Variants in FBXL2 observed in about 807,000 individuals in gnomAD.
FBXL2 encodes F-box/LRR-repeat protein 2.
A neutral mutation model predicts 69.2 loss-of-function variants in FBXL2; 38 were observed. That is an observed-to-expected ratio of 0.55 (90% confidence interval 0.42 to 0.72). The LOEUF (loss-of-function observed/expected upper bound fraction) is 0.72. Ranked by LOEUF, FBXL2 falls within the 30% of genes least tolerant of loss-of-function variation. The pLI is 0.00. For synonymous variants in FBXL2, 192 were observed against 201.3 expected (o/e 0.95, Z 0.39); for missense variants, 354 against 520.3 (o/e 0.68, Z 3.11).
chr3:33,314,027 A>T (rs1455079973), intron 2 of FBXL2, among the ~76,000 whole-genome samples: 4 of 152,146 alleles, frequency 2.6e-5, no homozygotes, highest in African/African-American at 9.7e-5. Flanking sequence ...AACTCTGATG[A>T]TGATCTAATC....
intron 2 of FBXL2, among the ~76,000 whole-genome samples, chr3:33,332,192 G>A (rs924421045): frequency 8.6e-5 from 13 of 152,014 alleles, no homozygotes; most frequent in African/African-American, 2.7e-4. Context: ...CAAAAGGGTC[G>A]GCAATTAAAC....
chr3:33,402,839 G>C (rs1431098673), intron 12 of FBXL2: 3 of 1,608,110 alleles, frequency 1.9e-6, no homozygotes, highest in African/African-American at 1.3e-5. Flanking sequence ...GTGGGGAGGT[G>C]AAAGTGGGCG....
In FBXL2 at chr3:33,351,283, A is replaced by T. The variant is rs907856470; in HGVS notation, c.66-7684A>T. Among the ~76,000 whole-genome samples the T allele has an allele frequency of 2.0e-5, 3 of 152,192 alleles. No homozygotes were observed. In the South Asian group the frequency reaches 6.2e-4, roughly 32 times the overall value. On this transcript the variant is annotated intron_variant, in intron 2 of 14. Coordinates refer to ENST00000484457, the MANE Select transcript of FBXL2 (RefSeq NM_012157.5). The stretch of plus-strand genomic sequence containing the variant: ...CTGTCTCAAAAAAATAAAATAAATA[A>T]ACCTCCTCCTGTAACTAATTAGCAA...
Position 33,375,433 on chromosome 3 carries a change from CT to C in FBXL2, c.788+20del. On this transcript the variant is annotated intron_variant, in intron 10 of 14. Transcript: ENST00000484457. ...CCGCGACTGCAGTGAGTACACTGCA[CT>C]TTTTGCTTTGCAGCTCAGAGTTTGG... 1 of 1,607,178 alleles carries C rather than the reference CT, an allele frequency of 6.2e-7. No individual in the cohort carries two copies. Among genetic ancestry groups the C allele is most frequent in the Non-Finnish European group, 8.5e-7 (1 of 1,174,344 alleles).
chr3:33,339,164 A>C (rs2039821083), intron 2 of FBXL2, among the ~76,000 whole-genome samples: 1 of 152,256 alleles, frequency 6.6e-6, no homozygotes. Context: ...TGTGGCCAAC[A>C]AGAATATGAA....
intron 2 of FBXL2, among the ~76,000 whole-genome samples, chr3:33,299,405 C>T (rs2036064368): frequency 6.6e-6 from 1 of 152,142 alleles, no homozygotes; most frequent in South Asian, 2.1e-4. Context: ...AGAGATTGAC[C>T]AGATGACTCC....
At chr3:33,356,294 C>T (rs144731260) in intron 2 of FBXL2, among the ~76,000 whole-genome samples, 1 of 152,302 alleles carries the variant, frequency 6.6e-6, no homozygotes, top group East Asian at 1.9e-4. Context: ...TTTGAGATTG[C>T]AGCTCAGGTA....
chr3:33,364,783 C>G, intron 5 of FBXL2, 64 bp downstream of exon 5: 1 of 1,342,262 alleles, frequency 7.5e-7, no homozygotes, highest in Non-Finnish European at 1.1e-6. Context: ...CAAAAATAAA[C>G]CAAGCCTATT....
At chr3:33,331,175 G>GA (rs1047124681) in intron 2 of FBXL2, among the ~76,000 whole-genome samples, 2 of 151,446 alleles carry the variant, frequency 1.3e-5, no homozygotes, top group Non-Finnish European at 2.9e-5. Flanking sequence ...TGTCATAAAA[G>GA]AAAAAAACAC....
At chr3:33,345,090 T>C (rs2040337280) in intron 2 of FBXL2, among the ~76,000 whole-genome samples, 1 of 152,244 alleles carries the variant, frequency 6.6e-6, no homozygotes, top group Admixed American at 6.5e-5. Flanking sequence ...TCATTTTCTA[T>C]GTCTGCTTTA....
At chr3:33,359,408 G>T (rs933267428) in intron 4 of FBXL2, 51 bp downstream of exon 4, 5 of 1,300,632 alleles carry the variant, frequency 3.8e-6, no homozygotes, top group Non-Finnish European at 4.4e-6. Flanking sequence ...ATGAGTAGCT[G>T]TTCCCCCTTT....
intron 2 of FBXL2, among the ~76,000 whole-genome samples, chr3:33,334,853 G>C (rs981009506): frequency 6.6e-5 from 10 of 152,114 alleles, no homozygotes; most frequent in Non-Finnish European, 1.3e-4. Flanking sequence ...AGCTGAGGCA[G>C]GTGGAATGTT....
At chr3:33,378,610 G>T (rs976780233) in intron 12 of FBXL2, 75 bp from the exon 13 acceptor site, 1 of 1,422,568 alleles carries the variant, frequency 7.0e-7, no homozygotes, top group African/African-American at 1.4e-5. Flanking sequence ...TTTGATTCTC[G>T]TGTTCAGGAG....
chr3:33,304,497 T>G (rs1338277566), intron 2 of FBXL2, among the ~76,000 whole-genome samples: 4 of 152,114 alleles, frequency 2.6e-5, no homozygotes, highest in Non-Finnish European at 5.9e-5. Flanking sequence ...CTCATTCATT[T>G]TTACTGCTGT....
intron 2 of FBXL2, among the ~76,000 whole-genome samples, chr3:33,327,880 A>G (rs2038825701): frequency 6.6e-6 from 1 of 152,110 alleles, no homozygotes. Flanking sequence ...AGGGCATCCA[A>G]ATTGGAAAGG....
intron 12 of FBXL2, chr3:33,397,203 G>T: frequency 8.3e-7 from 1 of 1,209,088 alleles, no homozygotes; most frequent in African/African-American, 1.5e-5. Context: ...ACAGGCATCT[G>T]TCTTCATGCA....
At chr3:33,307,065 A>G (rs1448885565) in intron 2 of FBXL2, among the ~76,000 whole-genome samples, 5 of 152,268 alleles carry the variant, frequency 3.3e-5, no homozygotes, top group Non-Finnish European at 2.9e-5. Flanking sequence ...GAAACAAAAT[A>G]TTTACATAGT....
chr3:33,394,206 A>C lies in FBXL2; in HGVS notation n.1214+8478A>C, dbSNP rs1346185428. On this transcript the variant is annotated intron_variant and non_coding_transcript_variant, in intron 12 of 12. Coordinates refer to the FBXL2 transcript ENST00000463736. ...CTGGCTAATTTTTATTATTATTATT[A>C]TTATTATTATTATTATTATTTGTAG... Among the ~76,000 whole-genome samples the C allele has an allele frequency of 2.0e-5, 3 of 148,268 alleles. No individual in the cohort carries two copies. In the East Asian group the frequency reaches 5.9e-4, roughly 29 times the overall value.
chr3:33,303,581 G>A (rs567162460), intron 2 of FBXL2, among the ~76,000 whole-genome samples: 1 of 152,144 alleles, frequency 6.6e-6, no homozygotes, highest in South Asian at 2.1e-4. Flanking sequence ...CTTATTCCTA[G>A]CAAATTATAT....
Sources: allele counts gnomAD v4.1 joint callset (sites outside exome capture counted in the v4.1 genomes callset), GRCh38; gene constraint gnomAD v4.1.1; transcripts MANE v1.5; gene names NCBI Gene and HGNC (gene_info 2026-07-23, HGNC 2026-07-21).